The following EFCAB6 variants were observed in gnomAD, a reference collection of about 807,000 sequenced individuals.
EFCAB6 encodes EF-hand calcium-binding domain-containing protein 6.
EFCAB6 carries 156 observed loss-of-function variants against 169.8 expected under a neutral mutation model. The ratio of observed to expected loss-of-function variants is 0.92; its 90% confidence interval spans 0.81 to 1.05. EFCAB6 has a LOEUF of 1.05. Ranked by LOEUF, EFCAB6 falls within the 50% of genes least tolerant of loss-of-function variation. The pLI is 0.00. For synonymous variants in EFCAB6, 698 were observed against 676.4 expected, an observed-to-expected ratio of 1.03 and a Z score of -0.50; for missense variants, 1,800 against 1,829.1, an observed-to-expected ratio of 0.98 and a Z score of 0.29.
At chr22:43,748,634 T>C (rs1351016560) in intron 6 of EFCAB6, among the ~76,000 whole-genome samples, 1 of 152,150 alleles carries the variant, frequency 6.6e-6, no homozygotes, top group Non-Finnish European at 1.5e-5. Flanking sequence ...ACTGAGTGTA[T>C]ATCCGGCTCT....
intron 17 of EFCAB6, among the ~76,000 whole-genome samples, chr22:43,654,281 TC>T (rs112802231): frequency 0.031 from 4,712 of 152,278 alleles, 223 homozygotes; most frequent in African/African-American, 0.11. Context: ...GCATTGTAAC[TC>T]CCCACTTCTT....
At chr22:43,541,214 A>G (rs2047699359) in intron 27 of EFCAB6, among the ~76,000 whole-genome samples, 1 of 152,198 alleles carries the variant, frequency 6.6e-6, no homozygotes, top group African/African-American at 2.4e-5. Flanking sequence ...GCTCTGCCAG[A>G]AACCGAGTTG....
chr22:43,582,137 A>G (rs561080519), intron 24 of EFCAB6, among the ~76,000 whole-genome samples: 76 of 152,328 alleles, frequency 5.0e-4, no homozygotes, highest in African/African-American at 1.8e-3. Flanking sequence ...GTTGTTTATA[A>G]AAGTATCAAG....
chr22:43,545,022 C>A (rs2047969950), intron 27 of EFCAB6, among the ~76,000 whole-genome samples: 1 of 152,088 alleles, frequency 6.6e-6, no homozygotes, highest in South Asian at 2.1e-4. Context: ...TGGCGGGCGC[C>A]TGTAGTCCCA....
chr22:43,548,990 A>G (rs1326467965), intron 27 of EFCAB6, among the ~76,000 whole-genome samples: 1 of 152,236 alleles, frequency 6.6e-6, no homozygotes, highest in Non-Finnish European at 1.5e-5. Flanking sequence ...ACATCCATGT[A>G]TTTGGAAACA....
chr22:43,603,711 G>T (rs2052701452), intron 22 of EFCAB6, among the ~76,000 whole-genome samples: 1 of 152,248 alleles, frequency 6.6e-6, no homozygotes, highest in Non-Finnish European at 1.5e-5. Flanking sequence ...GATGGCCTAG[G>T]CCAGGCAGCA....
chr22:43,754,461 C>G (rs750508033), intron 6 of EFCAB6, among the ~76,000 whole-genome samples: 7 of 152,172 alleles, frequency 4.6e-5, no homozygotes, highest in African/African-American at 1.4e-4. Context: ...CTGGAACACA[C>G]GGCAGAAAAA....
chr22:43,707,542 T>A (rs1485751412), intron 10 of EFCAB6, among the ~76,000 whole-genome samples: 1 of 152,038 alleles, frequency 6.6e-6, no homozygotes, highest in African/African-American at 2.4e-5. Flanking sequence ...TATAAAGGAA[T>A]GACAGACAAA....
chr22:43,809,982 C>G (rs556532818), intron 1 of EFCAB6, among the ~76,000 whole-genome samples: 143 of 152,226 alleles, frequency 9.4e-4, no homozygotes, highest in Non-Finnish European at 1.2e-3. Context: ...CTCACTGCAA[C>G]CTAAAACTCT....
chr22:43,666,849 C>T (rs542128666), intron 17 of EFCAB6, among the ~76,000 whole-genome samples: 1 of 152,014 alleles, frequency 6.6e-6, no homozygotes, highest in Admixed American at 6.6e-5. Context: ...ATAGCCAAAC[C>T]GCATCAATAA....
rs1411491586 is a variant in EFCAB6, at chr22:43,576,356, G to C, written c.3361C>G (p.Leu1121Val). Residue 1121 changes from leucine (L) to valine (V), a missense_variant, in exon 26 of 32, where the codon CTA becomes GTA. Transcript: ENST00000262726. ...TATTTCCAATTTATATAGGGGGTTA[G>C]ATGAATTCTTAGTTTCCTCAAAAAA... is the stretch of plus-strand genomic sequence containing the variant. The part of the protein sequence containing the change: ...HYFLRKLRIH[L>V]TPYINWKYFL... The C allele has an allele frequency of 6.2e-7, 1 of 1,600,816 alleles. No homozygotes were observed. The highest frequency in any genetic ancestry group is 8.5e-7 in the Non-Finnish European group (1 of 1,176,796).
chr22:43,647,040 G>A (rs2056199003), intron 17 of EFCAB6, among the ~76,000 whole-genome samples: 1 of 152,198 alleles, frequency 6.6e-6, no homozygotes, highest in African/African-American at 2.4e-5. Context: ...GAGAGGTGTT[G>A]TTAGTGGGGG....
chr22:43,696,399 A>T (rs2058577276), intron 10 of EFCAB6, among the ~76,000 whole-genome samples: 1 of 152,166 alleles, frequency 6.6e-6, no homozygotes, highest in Non-Finnish European at 1.5e-5. Context: ...AGTATCACAA[A>T]TTTAAACATA....
intron 25 of EFCAB6, among the ~76,000 whole-genome samples, chr22:43,579,496 T>C (rs535884618): frequency 2.7e-5 from 4 of 149,724 alleles, no homozygotes; most frequent in African/African-American, 7.5e-5. Flanking sequence ...GTAGGCATCA[T>C]TGCTTACCTG....
chr22:43,540,628 G>T, intron 27 of EFCAB6: 1 of 1,261,600 alleles, frequency 7.9e-7, no homozygotes, highest in Non-Finnish European at 1.0e-6. Flanking sequence ...GCACTTTAAG[G>T]CCATTAAATC....
Position 43,795,485 on chromosome 22 carries a change from A to G in EFCAB6, c.-7-13160T>C, listed in dbSNP as rs2062471096. 6.6e-6 allele frequency among the ~76,000 whole-genome samples: 1 copy of G among 151,960 alleles called. No individual in the cohort carries two copies. The highest frequency in any genetic ancestry group is 2.4e-5 in the African/African-American group (1 of 41,386). On this transcript the variant is annotated intron_variant, in intron 2 of 31. Coordinates refer to ENST00000262726, the MANE Select transcript of EFCAB6 (RefSeq NM_022785.4). This position sits in a 1 kb window ranked among gnomAD's most constrained non-coding sequence, Gnocchi z 4.2. ...CCCACATCTCCCCTCTCACGGCCCCATGGGTCCCTCGGCCCTGCTCCACCC... is the reference window on the plus strand; with the variant it reads ...CCCACATCTCCCCTCTCACGGCCCCGTGGGTCCCTCGGCCCTGCTCCACCC...
chr22:43,618,911 T>A (rs1235304821), intron 20 of EFCAB6, among the ~76,000 whole-genome samples: 1 of 688 alleles, frequency 1.5e-3, no homozygotes, highest in East Asian at 0.5. Context: ...TCTCTCTCTC[T>A]TTTTTTTTTT....
chr22:43,764,036 T>C (rs1438120686), intron 5 of EFCAB6, among the ~76,000 whole-genome samples: 9 of 152,202 alleles, frequency 5.9e-5, no homozygotes. Context: ...GTGCTGGGGT[T>C]ATAGTGTGAA....
intron 10 of EFCAB6, among the ~76,000 whole-genome samples, chr22:43,692,633 A>C (rs753869176): frequency 5.3e-5 from 8 of 152,182 alleles, no homozygotes; most frequent in Non-Finnish European, 1.0e-4. Context: ...AGAATAGAGA[A>C]GATAGAGAAA....
Sources: gnomAD v4.1 joint callset for allele counts (sites outside exome capture counted in the v4.1 genomes callset) on GRCh38, gnomAD v4.1.1 for gene constraint, Gnocchi (gnomAD v3.1) non-coding constraint, MANE v1.5 for transcripts, NCBI Gene and HGNC (gene_info 2026-07-23, HGNC 2026-07-21) for gene names.